The following MGAT5 variants were observed in gnomAD, a reference collection of about 807,000 sequenced individuals.
MGAT5 encodes alpha-1,6-mannosylglycoprotein 6-beta-N-acetylglucosaminyltransferase.
In MGAT5, 30 loss-of-function variants were observed where a neutral mutation model predicts 94.3. The observed-to-expected ratio is 0.32, with a 90% CI of 0.24 to 0.43. The LOEUF is 0.43. MGAT5 is among the 20% of genes least tolerant of loss of function. The probability of loss-of-function intolerance (pLI) is 1.00; values close to 1 mark genes in which losing one functional copy is unlikely to be tolerated. For missense variants in MGAT5, 691 were observed against 905.5 expected (o/e 0.76, Z 3.04); for synonymous variants, 310 against 322.9 (o/e 0.96, Z 0.43).
At chr2:134,168,401 A>G (rs1688052333) in intron 1 of MGAT5, among the ~76,000 whole-genome samples, 1 of 152,218 alleles carries the variant, frequency 6.6e-6, no homozygotes, top group South Asian at 2.1e-4. Flanking sequence ...GACACTTTTC[A>G]TGGAGACTTG....
At chr2:134,323,176 C>G (rs1433203672) in intron 4 of MGAT5, among the ~76,000 whole-genome samples, 1 of 152,034 alleles carries the variant, frequency 6.6e-6, no homozygotes, top group Non-Finnish European at 1.5e-5. Context: ...TGGTTAAATC[C>G]CAGGAAGAAA....
intron 1 of MGAT5, among the ~76,000 whole-genome samples, chr2:134,220,537 T>A (rs549454877): frequency 6.6e-6 from 1 of 152,308 alleles, no homozygotes; most frequent in East Asian, 1.9e-4. Context: ...AGAGCTGATT[T>A]GTGATGGCTT....
At chr2:134,131,467 AAC>A (rs1182685674) in intron 1 of MGAT5, among the ~76,000 whole-genome samples, 3 of 152,336 alleles carry the variant, frequency 2.0e-5, no homozygotes, top group Admixed American at 6.5e-5. Flanking sequence ...ATAAGGCAAA[AAC>A]ACAGTGAGAA....
chr2:134,143,709 G>GTT (rs1403720289), intron 1 of MGAT5, among the ~76,000 whole-genome samples: 1 of 152,190 alleles, frequency 6.6e-6, no homozygotes, highest in Non-Finnish European at 1.5e-5. Context: ...AAAAATCCTA[G>GTT]TTACTGTGTT....
chr2:134,326,797 T>C (rs1315999953), intron 4 of MGAT5, among the ~76,000 whole-genome samples: 1 of 152,192 alleles, frequency 6.6e-6, no homozygotes, highest in Admixed American at 6.5e-5. Flanking sequence ...GTGTCAGTTT[T>C]GGATAGAGTG....
At chr2:134,246,590 G>C (rs942687489) in intron 1 of MGAT5, among the ~76,000 whole-genome samples, 43 of 152,294 alleles carry the variant, frequency 2.8e-4, no homozygotes, top group African/African-American at 9.4e-4. Context: ...TTCATGTGTT[G>C]ATTCAACCCT....
chr2:134,371,749 G>C (rs1328218601), intron 10 of MGAT5, among the ~76,000 whole-genome samples: 1 of 152,124 alleles, frequency 6.6e-6, no homozygotes. Context: ...TCAACTGGTA[G>C]AGCTTCTCAT....
intron 1 of MGAT5, among the ~76,000 whole-genome samples, chr2:134,187,313 C>A (rs1002703530): frequency 4.6e-5 from 7 of 152,102 alleles, no homozygotes; most frequent in African/African-American, 1.7e-4. Context: ...AGAATAGAAG[C>A]AGATATCAGC....
intron 1 of MGAT5, among the ~76,000 whole-genome samples, chr2:134,132,287 CAG>C (rs1413950648): frequency 1.3e-5 from 2 of 152,168 alleles, no homozygotes; most frequent in African/African-American, 4.8e-5. Flanking sequence ...CAATTACACT[CAG>C]AAACAGACTA....
chr2:134,387,296 T>G (rs1682050083), intron 10 of MGAT5, among the ~76,000 whole-genome samples: 1 of 88,630 alleles, frequency 1.1e-5, no homozygotes, highest in African/African-American at 4.0e-5. Flanking sequence ...TAAAAAGTTA[T>G]GTATGATATA....
intron 9 of MGAT5, among the ~76,000 whole-genome samples, chr2:134,355,929 A>T (rs1319431585): frequency 6.6e-6 from 1 of 152,192 alleles, no homozygotes; most frequent in Non-Finnish European, 1.5e-5. Flanking sequence ...TTTATATCCT[A>T]CAAAAATTTC....
intron 12 of MGAT5, among the ~76,000 whole-genome samples, chr2:134,417,612 A>G (rs1391162522): frequency 6.6e-6 from 1 of 152,126 alleles, no homozygotes; most frequent in Non-Finnish European, 1.5e-5. Flanking sequence ...GAAGTGATGT[A>G]CCTTTCTCAG....
At chr2:134,260,635 T>G (rs3791261) in intron 1 of MGAT5, among the ~76,000 whole-genome samples, 25,783 of 151,870 alleles carry the variant, frequency 0.17, 3,800 homozygotes, top group African/African-American at 0.37. Flanking sequence ...CACTTTTTTT[T>G]TGTGTCTCTC....
intron 4 of MGAT5, among the ~76,000 whole-genome samples, chr2:134,320,888 A>G (rs1221771382): frequency 6.6e-6 from 1 of 151,910 alleles, no homozygotes; most frequent in Non-Finnish European, 1.5e-5. Context: ...TTCAAGTTAC[A>G]CTTTTTGGGG....
At chr2:134,440,664 C>G (rs1266441518) in intron 14 of MGAT5, among the ~76,000 whole-genome samples, 1 of 152,174 alleles carries the variant, frequency 6.6e-6, no homozygotes, top group East Asian at 1.9e-4. Context: ...TTCATAAAGT[C>G]TACGATAATC....
At chr2:134,226,003 A>G (rs1681043891) in intron 1 of MGAT5, among the ~76,000 whole-genome samples, 1 of 152,192 alleles carries the variant, frequency 6.6e-6, no homozygotes, top group Admixed American at 6.5e-5. Context: ...AAGTAGCCTA[A>G]ACAGTCATTT....
At chr2:134,407,811 A>G (rs1683426420) in intron 11 of MGAT5, among the ~76,000 whole-genome samples, 1 of 152,064 alleles carries the variant, frequency 6.6e-6, no homozygotes, top group East Asian at 1.9e-4. Flanking sequence ...GAGTGGGGCC[A>G]ACAGTTCAGT....
intron 1 of MGAT5, among the ~76,000 whole-genome samples, chr2:134,201,746 C>T (rs973451360): frequency 3.3e-5 from 5 of 151,076 alleles, no homozygotes; most frequent in African/African-American, 7.3e-5. Flanking sequence ...CCTTGGTGGC[C>T]GCCAGGCGCC....
At chr2:134,127,892 G>A (rs780445150) in intron 1 of MGAT5, among the ~76,000 whole-genome samples, 1 of 152,104 alleles carries the variant, frequency 6.6e-6, no homozygotes, top group Non-Finnish European at 1.5e-5. Context: ...TCCTGATTTT[G>A]AGGTTCCGTT....
Sources: allele counts gnomAD v4.1 joint callset (sites outside exome capture counted in the v4.1 genomes callset), GRCh38; gene constraint gnomAD v4.1.1; transcripts MANE v1.5; gene names NCBI Gene and HGNC (gene_info 2026-07-23, HGNC 2026-07-21).